DIP2C: variants seen among roughly 807,000 people sequenced by gnomAD.
DIP2C encodes the protein DIP2 acetate--CoA ligase C (putative), also known as disco-interacting protein 2 homolog C.
DIP2C carries 33 observed loss-of-function variants against 192.4 expected under a neutral mutation model. The observed-to-expected ratio is 0.17, with a 90% CI of 0.13 to 0.23. DIP2C has a LOEUF of 0.23. Among genes scored for constraint, DIP2C ranks in the 10% least tolerant of loss-of-function variants. The pLI is 1.00. For synonymous variants in DIP2C, 979 were observed against 864.1 expected (o/e 1.13, Z -2.33); for missense variants, 1,537 against 2,110.1 (o/e 0.73, Z 5.32).
chr10:441,037 G>A (rs1235600045), intron 3 of DIP2C, 41 bp from the exon 4 acceptor site: 1 of 1,590,922 alleles, frequency 6.3e-7, no homozygotes, highest in Admixed American at 1.7e-5. Flanking sequence ...CTCAGCTGAG[G>A]TCCCAGAGGC....
intron 1 of DIP2C, among the ~76,000 whole-genome samples, chr10:640,279 C>A (rs1366577288): frequency 2.6e-5 from 4 of 152,384 alleles, no homozygotes; most frequent in African/African-American, 7.2e-5. Flanking sequence ...AAGGGCTTTG[C>A]TTTGTCCCCA....
At position 364,517 on chromosome 10, in the gene DIP2C, C is replaced by T. The variant is rs377396978; in HGVS notation, c.2334G>A (p.Leu778=). The T allele has an allele frequency of 3.7e-5, 59 of 1,614,068 alleles. No homozygotes were observed. The highest frequency in any genetic ancestry group is 4.6e-5 in the Non-Finnish European group (54 of 1,180,044). ...CGAGGCCTCCGGGACCCACGAACCC[C>T]AGCAAGCCTGTCCTTATGAATGGGT... ...SEYPFIRTGL[L]GFVGPGGLVF... is the part of the protein sequence containing the mutation. Residue 778 remains leucine (L), a synonymous_variant, in exon 20 of 37, where the codon CTG becomes CTA. Transcript: ENST00000280886.
At chr10:485,392 C>CCA (rs1843940332) in intron 2 of DIP2C, among the ~76,000 whole-genome samples, 1 of 152,188 alleles carries the variant, frequency 6.6e-6, no homozygotes. Context: ...CCCCAGCATT[C>CCA]CAGCCCAGCC....
intron 7 of DIP2C, among the ~76,000 whole-genome samples, chr10:414,764 A>ATATATATAATGTG (rs1965487093): frequency 9.2e-6 from 1 of 108,760 alleles, no homozygotes; most frequent in African/African-American, 3.4e-5. Context: ...TATAATGTGT[A>ATATATATAATGTG]TATATATAAT....
intron 31 of DIP2C, 131 bp downstream of exon 31, chr10:326,875 G>A (rs1479964872): frequency 5.5e-6 from 6 of 1,095,704 alleles, no homozygotes; most frequent in African/African-American, 1.6e-5. Context: ...CCAACCGCAT[G>A]CGTGTGACTG....
intron 1 of DIP2C, among the ~76,000 whole-genome samples, chr10:653,607 T>C (rs1002910506): frequency 3.9e-5 from 6 of 152,186 alleles, no homozygotes; most frequent in Non-Finnish European, 8.8e-5. Context: ...ACAGTAATCA[T>C]CCACTACAAA....
chr10:527,276 G>GGCC (rs1479193061), intron 1 of DIP2C, among the ~76,000 whole-genome samples: 1 of 152,154 alleles, frequency 6.6e-6, no homozygotes, highest in Non-Finnish European at 1.5e-5. Flanking sequence ...GTCATGGCCT[G>GGCC]GCCTCCCGAC....
chr10:316,456 C>G (rs1468616663), intron 31 of DIP2C, among the ~76,000 whole-genome samples: 2 of 152,340 alleles, frequency 1.3e-5, no homozygotes, highest in East Asian at 3.9e-4. Context: ...CAGTCTCACC[C>G]CCAGCTTCCT....
intron 1 of DIP2C, among the ~76,000 whole-genome samples, chr10:595,773 G>A (rs931061116): frequency 6.6e-6 from 1 of 152,160 alleles, no homozygotes; most frequent in Non-Finnish European, 1.5e-5. Context: ...TAAGGGTTTG[G>A]TTGGGAAAAA....
intron 3 of DIP2C, among the ~76,000 whole-genome samples, chr10:461,744 C>A (rs1195328790): frequency 2.5e-4 from 38 of 152,170 alleles, no homozygotes; most frequent in Non-Finnish European, 2.9e-5. Flanking sequence ...TTCTCAGCAC[C>A]AAATTGCACC....
At chr10:414,901 TA>T (rs1965520348) in intron 7 of DIP2C, among the ~76,000 whole-genome samples, 8 of 104,566 alleles carry the variant, frequency 7.7e-5, no homozygotes, top group African/African-American at 2.1e-4. Flanking sequence ...TATATATATA[TA>T]TATATTTTTT....
chr10:664,526 A>T (rs191899165), intron 1 of DIP2C: 1 of 152,312 alleles, frequency 6.6e-6, no homozygotes, highest in East Asian at 1.9e-4. Flanking sequence ...CATCCAATAA[A>T]ATGACACACA....
intron 19 of DIP2C, 87 bp downstream of exon 19, chr10:366,188 T>C: frequency 6.5e-7 from 1 of 1,541,758 alleles, no homozygotes; most frequent in Non-Finnish European, 8.8e-7. Context: ...GGATCTTACA[T>C]TCCACGTCTA....
At chr10:607,136 G>A (rs951241839) in intron 1 of DIP2C, among the ~76,000 whole-genome samples, 7 of 152,182 alleles carry the variant, frequency 4.6e-5, no homozygotes, top group African/African-American at 9.7e-5. Flanking sequence ...AAGGAGGATG[G>A]CCCTGAAGTC....
rs1210942479 is a variant in DIP2C at position 636,525 on chromosome 10, GAAT to G, written c.85+52966_85+52968del. On this transcript the variant is annotated intron_variant, in intron 1 of 36. Transcript: ENST00000280886. The surrounding 1 kb of genome is among the most constrained non-coding windows in gnomAD (Gnocchi z 4.6). ...GAGTCCTCACGCACGCGTTCCCTAAGAATAAAGGACCCTCTGCAGCCGCAGAAC... is the reference window on the plus strand; with the variant it reads ...GAGTCCTCACGCACGCGTTCCCTAAGAAAGGACCCTCTGCAGCCGCAGAAC... Among the ~76,000 whole-genome samples, 1 of 152,104 alleles carries G rather than the reference GAAT, an allele frequency of 6.6e-6. No homozygotes were observed. Among genetic ancestry groups the G allele is most frequent in the Non-Finnish European group, 1.5e-5 (1 of 68,024 alleles).
chr10:414,737 G>GTATATA (rs1213629573), intron 7 of DIP2C, among the ~76,000 whole-genome samples: 979 of 55,732 alleles, frequency 0.018, 50 homozygotes, highest in African/African-American at 0.051. Flanking sequence ...GTGTGTGTGT[G>GTATATA]TGTACATATA....
intron 7 of DIP2C, among the ~76,000 whole-genome samples, chr10:414,739 G>C (rs60775421): frequency 1.1e-5 from 1 of 90,506 alleles, no homozygotes; most frequent in African/African-American, 4.5e-5. Context: ...GTGTGTGTGT[G>C]TACATATATA....
chr10:473,467 T>C (rs571303598), intron 2 of DIP2C, among the ~76,000 whole-genome samples: 1 of 150,024 alleles, frequency 6.7e-6, no homozygotes, highest in Non-Finnish European at 1.5e-5. Flanking sequence ...ATCCCCACAG[T>C]TCTGTGAACG....
At chr10:329,351 T>C (rs2132456735) in intron 30 of DIP2C, 82 bp downstream of exon 30, 2 of 1,427,096 alleles carry the variant, frequency 1.4e-6, no homozygotes, top group East Asian at 5.1e-5. Context: ...CTGTTTTAAC[T>C]TCACCCCATC....
Sources: allele counts gnomAD v4.1 joint callset (sites outside exome capture counted in the v4.1 genomes callset), GRCh38; gene constraint gnomAD v4.1.1; non-coding constraint Gnocchi (gnomAD v3.1); transcripts MANE v1.5; gene names NCBI Gene and HGNC (gene_info 2026-07-23, HGNC 2026-07-21).